ZZEF1: variants seen among roughly 807,000 people sequenced by gnomAD.
ZZEF1 encodes zinc finger ZZ-type and EF-hand domain containing 1, also known as zinc finger ZZ-type and EF-hand domain-containing protein 1.
A neutral mutation model predicts 342.8 loss-of-function variants in ZZEF1; 157 were observed. The ratio of observed to expected loss-of-function variants is 0.46; its 90% confidence interval spans 0.40 to 0.52. The LOEUF (loss-of-function observed/expected upper bound fraction) is 0.52, where lower values mean the gene tolerates loss of function less well. Among genes scored for constraint, ZZEF1 ranks in the 20% least tolerant of loss-of-function variants. The probability of loss-of-function intolerance (pLI) is 0.00; values close to 1 mark genes in which losing one functional copy is unlikely to be tolerated. For synonymous variants in ZZEF1, 1,505 were observed against 1,429.1 expected (o/e 1.05, Z -1.20); for missense variants, 3,480 against 3,725.6 (o/e 0.93, Z 1.72).
chr17:4,088,780 G>A lies in ZZEF1; in HGVS notation c.2139C>T (p.Ser713=), dbSNP rs577328539. The change falls in exon 13 of 55, where the codon AGC becomes AGT. Residue 713 remains serine, a synonymous_variant. Transcript: ENST00000381638. ...LRPARAEAEQ[S]VTCAHCRKDT... is the part of the protein sequence containing the mutation. ...CCTTTCTGCAGTGTGCACAGGTGACGCTCTGTTCTGCTTCTGCTCTTGCAG... is the reference window on the plus strand; with the variant it reads ...CCTTTCTGCAGTGTGCACAGGTGACACTCTGTTCTGCTTCTGCTCTTGCAG... The A allele has an allele frequency of 3.1e-6, 5 of 1,614,200 alleles. No homozygotes were observed. The highest frequency in any genetic ancestry group is 2.2e-5 in the South Asian group (2 of 91,088).
intron 54 of ZZEF1, among the ~76,000 whole-genome samples, 174 bp from the exon 55 acceptor site, chr17:4,007,144 GC>G (rs2055820410): frequency 6.6e-6 from 1 of 152,190 alleles, no homozygotes; most frequent in African/African-American, 2.4e-5. Context: ...GCTATTAAGA[GC>G]ACATGAAAGC....
chr17:4,015,937 C>T (rs539970552), intron 49 of ZZEF1, among the ~76,000 whole-genome samples: 9 of 152,276 alleles, frequency 5.9e-5, no homozygotes, highest in Admixed American at 3.3e-4. Context: ...GTAGTATCCA[C>T]GGTGGGGGCA....
chr17:4,115,019 GCT>G (rs1491486454), intron 3 of ZZEF1, among the ~76,000 whole-genome samples: 4 of 151,890 alleles, frequency 2.6e-5, no homozygotes. Context: ...TAACCCACGT[GCT>G]TTTTTTTGTT....
chr17:4,061,314 C>T (rs1027820757), intron 30 of ZZEF1, among the ~76,000 whole-genome samples: 8 of 152,248 alleles, frequency 5.3e-5, no homozygotes, highest in African/African-American at 1.9e-4. Context: ...TTTTGATCTA[C>T]CTGACTGGCC....
Position 4,041,390 on chromosome 17 carries a change from C to T in ZZEF1, c.6306+1039G>A, listed in dbSNP as rs1396907021. 2.6e-5 allele frequency among the ~76,000 whole-genome samples: 4 copies of T among 152,166 alleles called. No individual in the cohort carries two copies. In the East Asian group the frequency reaches 7.7e-4, roughly 29 times the overall value. On this transcript the variant is annotated intron_variant, in intron 39 of 54. Coordinates refer to ENST00000381638, the MANE Select transcript of ZZEF1 (RefSeq NM_015113.4). ...ACGTAGAAGTTCACGTAAAAATGCT[C>T]CTCTGAGTCTGAGCATCTCCAGGCA...
intron 1 of ZZEF1, among the ~76,000 whole-genome samples, chr17:4,141,720 G>A (rs1324908548): frequency 8.9e-5 from 13 of 146,658 alleles, no homozygotes; most frequent in African/African-American, 7.6e-5. Context: ...TTGAAAGAAA[G>A]AAAAAAAAAA....
At chr17:4,134,352 TTATA>T (rs141346270) in intron 1 of ZZEF1, among the ~76,000 whole-genome samples, 1 of 144,970 alleles carries the variant, frequency 6.9e-6, no homozygotes, top group Non-Finnish European at 1.5e-5. Context: ...TTATATATAT[TTATA>T]TATATATATT....
In ZZEF1 at chr17:4,142,621, T is replaced by C. The variant is rs759436407; in HGVS notation, c.275A>G (p.Glu92Gly). ...GAACTGCTCCAGAGTGACAGACTCT[T>C]CGCCGCGGCCCAGCCGCTCTTCCAG... Reference protein sequence around the residue: ...RWLEERLGRGEESVTLEQFRE... With the variant: ...RWLEERLGRGGESVTLEQFRE... The change falls in exon 1 of 55, where the codon GAA (glutamate) becomes GGA (glycine). Residue 92 changes from glutamate (E) to glycine (G), a missense_variant. By Grantham distance (98) the Glu-to-Gly change is moderately conservative (BLOSUM62 -2). Coordinates refer to ENST00000381638, the MANE Select transcript of ZZEF1 (RefSeq NM_015113.4). The C allele has an allele frequency of 2.1e-5, 34 of 1,605,094 alleles. No individual in the cohort carries two copies. Among genetic ancestry groups the C allele is most frequent in the Non-Finnish European group, 2.9e-5 (34 of 1,179,634 alleles).
At chr17:4,010,356 A>T (rs1210395058) in intron 52 of ZZEF1, among the ~76,000 whole-genome samples, 1 of 43,886 alleles carries the variant, frequency 2.3e-5, no homozygotes, top group Admixed American at 2.0e-4. Context: ...CTTGTCTCTT[A>T]AAAAAAAAAA....
rs1310453291 is a variant in ZZEF1 at position 4,087,420 on chromosome 17, A to G, written c.2342+14T>C. The G allele has an allele frequency of 6.3e-7, 1 of 1,599,472 alleles. No homozygotes were observed. ...GTTTATGTGCTTATCACCTTATAAC[A>G]AATTCTGACCTACTTTTGCTTTAAT... is the stretch of plus-strand genomic sequence containing the variant. On this transcript the variant is annotated intron_variant, in intron 14 of 54. Transcript: ENST00000381638.
intron 8 of ZZEF1, among the ~76,000 whole-genome samples, chr17:4,104,391 T>C (rs564432202): frequency 6.6e-6 from 1 of 152,298 alleles, no homozygotes; most frequent in East Asian, 1.9e-4. Flanking sequence ...AGTATAGCCT[T>C]GTGGACAATC....
intron 12 of ZZEF1, 109 bp from the exon 13 acceptor site, chr17:4,089,002 A>C: frequency 1.1e-6 from 1 of 919,604 alleles, no homozygotes. Flanking sequence ...TTCGTAATTT[A>C]TTAGGAAACA....
At chr17:4,126,485 T>C (rs879322460) in intron 1 of ZZEF1, among the ~76,000 whole-genome samples, 7 of 152,088 alleles carry the variant, frequency 4.6e-5, no homozygotes, top group African/African-American at 7.2e-5. Context: ...TTTTGGAAGC[T>C]TGGAAACAGA....
chr17:4,018,797 T>C (rs1336502605), intron 46 of ZZEF1, among the ~76,000 whole-genome samples: 2 of 152,030 alleles, frequency 1.3e-5, no homozygotes, highest in Non-Finnish European at 2.9e-5. Context: ...AGCGAGGTGG[T>C]GTGCCACCTC....
At chr17:4,013,129 C>T (rs1266289915) in intron 52 of ZZEF1, among the ~76,000 whole-genome samples, 3 of 151,216 alleles carry the variant, frequency 2.0e-5, no homozygotes, top group Non-Finnish European at 2.9e-5. Context: ...AGTGGAGATC[C>T]GAATGGAACA....
At chr17:4,105,555 C>A in intron 7 of ZZEF1, 138 bp downstream of exon 7, 1 of 680,602 alleles carries the variant, frequency 1.5e-6, no homozygotes. Flanking sequence ...ACTATTATGT[C>A]ACTTTCTCTT....
At chr17:4,009,868 C>A in intron 52 of ZZEF1, 111 bp from the exon 53 acceptor site, 1 of 1,297,846 alleles carries the variant, frequency 7.7e-7, no homozygotes, top group South Asian at 1.4e-5. Flanking sequence ...ACAGCTGGTA[C>A]AAATGATTAT....
chr17:4,082,164 G>A (rs2057736017), intron 17 of ZZEF1, among the ~76,000 whole-genome samples: 1 of 152,194 alleles, frequency 6.6e-6, no homozygotes, highest in African/African-American at 2.4e-5. Flanking sequence ...TTTGGCTTCA[G>A]TTTTTGTTGT....
rs751432410 is a variant in ZZEF1 at position 4,082,468 on chromosome 17, G to C, written c.2683C>G (p.Leu895Val). ...TACGTGCACAGTGAACGGAAAGTGA[G>C]CTGCAGGGACTGCTTGTGCTCCTGC... ...TEQEHKQSLQ[L>V]TFRSLCTYFS... Residue 895 changes from leucine (L) to valine (V), a missense_variant, in exon 17 of 55, where the codon CTC becomes GTC. Leu to Val is a conservative substitution (Grantham distance 32). Around this residue, in one of 5 missense-constraint regions of ZZEF1, gnomAD observed 1,528 missense variants for 1,624.1 expected, o/e 0.94. Coordinates refer to ENST00000381638, the MANE Select transcript of ZZEF1 (RefSeq NM_015113.4). 1 of 1,614,168 alleles carries C rather than the reference G, an allele frequency of 6.2e-7. No individual in the cohort carries two copies. The highest frequency in any genetic ancestry group is 2.2e-5 in the East Asian group (1 of 44,890).
Sources: allele counts gnomAD v4.1 joint callset (sites outside exome capture counted in the v4.1 genomes callset), GRCh38; gene constraint gnomAD v4.1.1; regional missense constraint gnomAD v4.1.1; transcripts MANE v1.5; gene names NCBI Gene and HGNC (gene_info 2026-07-23, HGNC 2026-07-21).